The following POU2F3 variants were observed in gnomAD, a reference collection of about 807,000 sequenced individuals.
POU2F3 encodes POU class 2 homeobox 3.
In POU2F3, 23 loss-of-function variants were observed where a neutral mutation model predicts 59.2. The observed-to-expected ratio is 0.39, with a 90% CI of 0.28 to 0.55. The LOEUF (loss-of-function observed/expected upper bound fraction) is 0.55, where lower values mean the gene tolerates loss of function less well. POU2F3 is among the 20% of genes least tolerant of loss of function. The probability of loss-of-function intolerance (pLI) is 0.66; values close to 1 mark genes in which losing one functional copy is unlikely to be tolerated. For missense variants in POU2F3, 473 were observed against 544.5 expected (o/e 0.87, Z 1.31); for synonymous variants, 190 against 214.6 (o/e 0.89, Z 1.00).
chr11:120,252,362 C>T (rs2135144234), intron 2 of POU2F3, among the ~76,000 whole-genome samples: 1 of 152,070 alleles, frequency 6.6e-6, no homozygotes, highest in East Asian at 1.9e-4. Flanking sequence ...CCACCACCAC[C>T]ACGCCTGGCT....
At chr11:120,300,880 C>A (rs755589336) in intron 5 of POU2F3, 7 of 351,170 alleles carry the variant, frequency 2.0e-5, no homozygotes, top group African/African-American at 4.3e-5. Context: ...GCCCTTAGCA[C>A]CTGCACAAAT....
intron 2 of POU2F3, among the ~76,000 whole-genome samples, chr11:120,252,471 G>T (rs1169318636): frequency 2.0e-5 from 3 of 152,156 alleles, no homozygotes; most frequent in Non-Finnish European, 4.4e-5. Context: ...GCCTCCCAAA[G>T]TGCTGGGATT....
At position 120,267,327 on chromosome 11, in the gene POU2F3, C is replaced by T. The variant is rs186785321; in HGVS notation, c.98-1883C>T. On this transcript the variant is annotated intron_variant, in intron 2 of 12. Coordinates refer to ENST00000543440, the MANE Select transcript of POU2F3 (RefSeq NM_014352.4). Reference sequence around the variant, plus strand: ...TATTTTTAGTAGAGGTGGGGTTTCACCATATTGGCCAGGCTGGTCTCAAAC... The same window carrying T: ...TATTTTTAGTAGAGGTGGGGTTTCATCATATTGGCCAGGCTGGTCTCAAAC... Among the ~76,000 whole-genome samples the T allele has an allele frequency of 1.8e-4, 27 of 152,202 alleles. No individual in the cohort carries two copies. The East Asian group carries it at 4.3e-3, about 24-fold the overall frequency.
chr11:120,245,233 C>G (rs559905724), intron 1 of POU2F3, among the ~76,000 whole-genome samples: 1 of 152,086 alleles, frequency 6.6e-6, no homozygotes, highest in African/African-American at 2.4e-5. Flanking sequence ...TCGGCCGGAG[C>G]CACACACGTT....
intron 2 of POU2F3, chr11:120,254,692 G>T (rs1939262039): frequency 6.6e-6 from 1 of 152,468 alleles, no homozygotes; most frequent in Admixed American, 6.5e-5. Context: ...CCCCAACAGG[G>T]GCTTCTGGGG....
intron 3 of POU2F3, among the ~76,000 whole-genome samples, chr11:120,290,910 C>T (rs974015436): frequency 3.3e-5 from 5 of 152,220 alleles, no homozygotes; most frequent in African/African-American, 4.8e-5. Flanking sequence ...TAGTAAAATA[C>T]ACACTAGGAC....
chr11:120,312,984 G>A (rs1941688525), intron 10 of POU2F3, among the ~76,000 whole-genome samples: 1 of 152,116 alleles, frequency 6.6e-6, no homozygotes, highest in Admixed American at 6.6e-5. Flanking sequence ...ATGGTGGGGT[G>A]GGGTAGGAGG....
chr11:120,313,370 C>A (rs563329953), intron 10 of POU2F3, among the ~76,000 whole-genome samples: 1 of 152,332 alleles, frequency 6.6e-6, no homozygotes, highest in South Asian at 2.1e-4. Context: ...ACAGGCGTTA[C>A]CCTGCCCTCA....
chr11:120,236,726 T>G, upstream of POU2F3: 6 of 1,465,960 alleles, frequency 4.1e-6, no homozygotes, highest in Non-Finnish European at 5.5e-6. Context: ...GTTCTCTACG[T>G]TCCCATTCTA....
upstream of POU2F3, among the ~76,000 whole-genome samples, chr11:120,238,563 G>A (rs370553268): frequency 4.2e-4 from 64 of 152,032 alleles, 1 homozygote; most frequent in East Asian, 8.8e-3. Flanking sequence ...TAGGCTGGGC[G>A]TGGTGGCTCA....
At chr11:120,296,455 G>C (rs888996529) in intron 3 of POU2F3, among the ~76,000 whole-genome samples, 2 of 152,040 alleles carry the variant, frequency 1.3e-5, no homozygotes, top group African/African-American at 4.8e-5. Flanking sequence ...TGTTATACAG[G>C]TAAACTTGTA....
chr11:120,288,570 C>T (rs1376909066), intron 3 of POU2F3, among the ~76,000 whole-genome samples: 2 of 152,162 alleles, frequency 1.3e-5, no homozygotes, highest in African/African-American at 2.4e-5. Context: ...ACCCTGTTTT[C>T]CACAAGCAGG....
upstream of POU2F3, among the ~76,000 whole-genome samples, chr11:120,238,305 G>A (rs1938550479): frequency 6.6e-6 from 1 of 152,180 alleles, no homozygotes; most frequent in South Asian, 2.1e-4. Context: ...GGAGCGTGGG[G>A]AAGGGAGGTC....
intron 10 of POU2F3, among the ~76,000 whole-genome samples, chr11:120,314,527 T>G (rs909549094): frequency 2.6e-5 from 4 of 152,234 alleles, no homozygotes; most frequent in Admixed American, 2.6e-4. Flanking sequence ...CATTATGACT[T>G]AATTAAAATA....
chr11:120,249,362 T>C (rs1939004202), intron 2 of POU2F3, among the ~76,000 whole-genome samples: 1 of 152,204 alleles, frequency 6.6e-6, no homozygotes, highest in African/African-American at 2.4e-5. Context: ...CACTTCTTTT[T>C]TTGAGACAGG....
rs748548541 is a variant in POU2F3, at chr11:120,309,436, C to G, written c.918C>G (p.Pro306=). The change falls in exon 10 of 13, where the codon CCC becomes CCG. Residue 306 remains proline (P), a synonymous_variant. Transcript: ENST00000543440. ...LEKRFQDNPK[P]SSEEISMIAE... ...TTCGGTGCCTATAGAACCCAAAACC[C>G]AGCTCGGAGGAGATCTCCATGATTG... 1 of 1,613,864 alleles carries G rather than the reference C, an allele frequency of 6.2e-7. No individual in the cohort carries two copies. The highest frequency in any genetic ancestry group is 1.1e-5 in the South Asian group (1 of 91,054).
chr11:120,315,221 G>A (rs1941753678), intron 10 of POU2F3, 140 bp from the exon 11 acceptor site: 2 of 748,208 alleles, frequency 2.7e-6, no homozygotes, highest in Non-Finnish European at 2.3e-6. Flanking sequence ...TAGAAAGGAG[G>A]ATGGCATGTA....
Position 120,319,460 on chromosome 11 carries a change from T to TTTTTTTTC in POU2F3, c.*1070_*1071insTTTTTCTT, listed in dbSNP as rs1555083314. On this transcript the variant is annotated 3_prime_UTR_variant, in exon 13 of 13. Transcript: ENST00000543440. ...TTTCTTTTTCTTTTTTTTTTTTTTT[T>TTTTTTTTC]TTGAGACAGTCTTGCTCCAGCCCAG... 6.8e-6 allele frequency: 1 copy of TTTTTTTTC among 147,598 alleles called. No individual in the cohort carries two copies. The highest frequency in any genetic ancestry group is 2.6e-5 in the African/African-American group (1 of 39,120). The allele number at this position is 147,598 out of a possible 1,614,324, so 9.1% of individuals were successfully genotyped here.
At chr11:120,315,259 C>G in intron 10 of POU2F3, 102 bp from the exon 11 acceptor site, 1 of 1,105,480 alleles carries the variant, frequency 9.0e-7, no homozygotes, top group Non-Finnish European at 1.4e-6. Context: ...GGAAGCCAAG[C>G]CCTGGTCTCT....
Sources: allele counts gnomAD v4.1 joint callset (sites outside exome capture counted in the v4.1 genomes callset), GRCh38; gene constraint gnomAD v4.1.1; transcripts MANE v1.5; gene names NCBI Gene and HGNC (gene_info 2026-07-23, HGNC 2026-07-21).